Variants in PSMG2 observed in about 807,000 individuals in gnomAD.
PSMG2 encodes proteasome assembly chaperone 2.
In PSMG2, 21 loss-of-function variants were observed where a neutral mutation model predicts 31.5. The observed-to-expected ratio is 0.67, with a 90% confidence interval of 0.47 to 0.96. The LOEUF is 0.96. Ranked by LOEUF, PSMG2 falls within the 40% of genes least tolerant of loss-of-function variation. PSMG2 has a pLI of 0.00. For synonymous variants in PSMG2, 120 were observed against 110.4 expected (o/e 1.09, Z -0.54); for missense variants, 318 against 321.2 (o/e 0.99, Z 0.08).
upstream of PSMG2, chr18:12,700,866 A>G: frequency 9.6e-7 from 1 of 1,046,498 alleles, no homozygotes; most frequent in Non-Finnish European, 1.4e-6. Context: ...GTTTTACTAA[A>G]ACGAAAGGCC....
intron 1 of PSMG2, chr18:12,695,236 A>C (rs1412285788): frequency 1.6e-4 from 177 of 1,133,242 alleles, no homozygotes; most frequent in Non-Finnish European, 2.0e-4. Flanking sequence ...AAAAAAAGAG[A>C]AACTCATAAG....
rs548642491 is a variant in PSMG2 at position 12,705,576 on chromosome 18, A to AGTGTGTGT, written c.58-953_58-946dup. 9.1e-4 allele frequency among the ~76,000 whole-genome samples: 118 copies of AGTGTGTGT among 129,764 alleles called. 1 individual carries two copies. The highest frequency in any genetic ancestry group is 3.2e-3 in the African/African-American group (105 of 33,112). 85.1% of individuals were successfully genotyped at this position (129,764 alleles called of 152,430 possible). On this transcript the variant is annotated intron_variant, in intron 1 of 6. Transcript: ENST00000317615. ...GAGAGAGAGAGAGAGAGAGAGAGAG[A>AGTGTGTGT]GTGTGTGTGTGTGTGTGTGTGTGTG...
At chr18:12,662,980 G>C (rs972764191) in intron 1 of PSMG2, among the ~76,000 whole-genome samples, 3 of 152,094 alleles carry the variant, frequency 2.0e-5, no homozygotes. Flanking sequence ...CTGAATATAA[G>C]TGTAATTATT....
At chr18:12,678,063 TAAATG>T in intron 1 of PSMG2, 2 of 1,486,512 alleles carry the variant, frequency 1.3e-6, no homozygotes, top group Non-Finnish European at 1.9e-6. Context: ...GTTAAATACA[TAAATG>T]AAAAGAAGTA....
At chr18:12,724,917 C>G (rs1363767146) in intron 6 of PSMG2, 2 of 381,618 alleles carry the variant, frequency 5.2e-6, no homozygotes, top group East Asian at 7.8e-5. Flanking sequence ...AATAAACAAG[C>G]CTTCTGTGGA....
At chr18:12,703,938 A>T (rs1246009207) in intron 1 of PSMG2, among the ~76,000 whole-genome samples, 1 of 152,214 alleles carries the variant, frequency 6.6e-6, no homozygotes, top group East Asian at 1.9e-4. Context: ...TTGGAATGAC[A>T]CATTGAGAGA....
At chr18:12,703,025 C>T (rs954299048), upstream of PSMG2, 7 of 1,496,774 alleles carry the variant, frequency 4.7e-6, no homozygotes, top group South Asian at 1.2e-5. Context: ...CGCGAGGCTC[C>T]GGGGTCTCGG....
intron 1 of PSMG2, among the ~76,000 whole-genome samples, chr18:12,705,222 G>T (rs371295789): frequency 6.6e-6 from 1 of 151,988 alleles, no homozygotes; most frequent in African/African-American, 2.4e-5. Context: ...GCACCACCAC[G>T]CCCAGCTAAT....
intron 2 of PSMG2, among the ~76,000 whole-genome samples, chr18:12,710,024 G>A (rs951073523): frequency 6.2e-5 from 9 of 145,726 alleles, no homozygotes; most frequent in Non-Finnish European, 1.1e-4. Context: ...CTCACTGCAA[G>A]CTCTGCCTCC....
intron 1 of PSMG2, among the ~76,000 whole-genome samples, chr18:12,704,056 A>G (rs1291916896): frequency 6.6e-6 from 1 of 152,182 alleles, no homozygotes; most frequent in Non-Finnish European, 1.5e-5. Context: ...TTCATTACAT[A>G]TAAAACACAC....
At chr18:12,705,930 A>G (rs995613655) in intron 1 of PSMG2, among the ~76,000 whole-genome samples, 4 of 152,188 alleles carry the variant, frequency 2.6e-5, no homozygotes, top group Admixed American at 2.6e-4. Flanking sequence ...TTTGTTTATT[A>G]CAGGTAAACC....
intron 1 of PSMG2, among the ~76,000 whole-genome samples, chr18:12,694,597 A>G (rs1051205222): frequency 1.3e-5 from 2 of 152,268 alleles, no homozygotes; most frequent in African/African-American, 4.8e-5. Context: ...AACAGAGCAG[A>G]AAAGACATAA....
chr18:12,702,498 C>G (rs993716068), upstream of PSMG2: 7 of 1,609,872 alleles, frequency 4.3e-6, no homozygotes, highest in Non-Finnish European at 5.9e-6. Context: ...TGCTCAGCTG[C>G]TGGTGGATGA....
intron 1 of PSMG2, among the ~76,000 whole-genome samples, chr18:12,676,997 T>C (rs1273232478): frequency 6.6e-6 from 1 of 152,210 alleles, no homozygotes; most frequent in Non-Finnish European, 1.5e-5. Flanking sequence ...GTTGGTGATA[T>C]GTGTTACAAA....
chr18:12,668,597 CAAAAAA>C (rs752216074), intron 1 of PSMG2, among the ~76,000 whole-genome samples: 13 of 72,824 alleles, frequency 1.8e-4, no homozygotes, highest in East Asian at 1.1e-3. Flanking sequence ...GATTCCATCT[CAAAAAA>C]AAAAAAAAAA....
intron 1 of PSMG2, chr18:12,691,532 T>A (rs1406235796): frequency 3.6e-6 from 5 of 1,406,796 alleles, no homozygotes; most frequent in Non-Finnish European, 4.9e-6. Flanking sequence ...TCATTATCTT[T>A]AATTACTACA....
upstream of PSMG2, among the ~76,000 whole-genome samples, chr18:12,701,579 TG>T (rs760800022): frequency 1.1e-4 from 17 of 152,100 alleles, no homozygotes; most frequent in Non-Finnish European, 2.5e-4. Flanking sequence ...ACGATAGTGT[TG>T]TGAGGATTAA....
At chr18:12,702,922 C>T (rs1295027638), upstream of PSMG2, 7 of 642,762 alleles carry the variant, frequency 1.1e-5, no homozygotes, top group Non-Finnish European at 1.8e-5. Flanking sequence ...TTCGCGGCCA[C>T]CCGGCGGCCT....
At chr18:12,697,317 C>T in intron 1 of PSMG2, 2 of 1,613,998 alleles carry the variant, frequency 1.2e-6, no homozygotes, top group Non-Finnish European at 8.5e-7. Flanking sequence ...CTAAAGTCGT[C>T]TCACCAAATA....
Sources: allele counts gnomAD v4.1 joint callset (sites outside exome capture counted in the v4.1 genomes callset), GRCh38; gene constraint gnomAD v4.1.1; transcripts MANE v1.5; gene names NCBI Gene and HGNC (gene_info 2026-07-23, HGNC 2026-07-21).